TBC1D5: variants seen among roughly 807,000 people sequenced by gnomAD.
TBC1D5 encodes the protein TBC1 domain family member 5, also known as TBC1 domain family, member 5.
In TBC1D5, 75 loss-of-function variants were observed where a neutral mutation model predicts 100.3. That is an observed-to-expected ratio of 0.75 (90% CI 0.62 to 0.91). TBC1D5 has a LOEUF of 0.91. Among genes scored for constraint, TBC1D5 ranks in the 40% least tolerant of loss-of-function variants. The pLI, the probability that TBC1D5 is intolerant of heterozygous loss-of-function variation, is 0.00. For missense variants in TBC1D5, 910 were observed against 942.4 expected, an observed-to-expected ratio of 0.97 and a Z score of 0.45; for synonymous variants, 323 against 325.6, an observed-to-expected ratio of 0.99 and a Z score of 0.09.
At chr3:17,452,590 G>A (rs752898206) in intron 3 of TBC1D5, among the ~76,000 whole-genome samples, 47 of 152,012 alleles carry the variant, frequency 3.1e-4, no homozygotes, top group Non-Finnish European at 6.5e-4. Context: ...AATGAAAAAA[G>A]GGTCAATTCA....
intron 3 of TBC1D5, among the ~76,000 whole-genome samples, chr3:17,453,544 A>G (rs2094979131): frequency 1.3e-5 from 2 of 152,198 alleles, no homozygotes; most frequent in Admixed American, 1.3e-4. Flanking sequence ...AATAAATTGG[A>G]CAATCTAGAG....
chr3:17,351,686 CCTGCACGTT>C, intron 13 of TBC1D5, among the ~76,000 whole-genome samples: 1 of 151,770 alleles, frequency 6.6e-6, no homozygotes, highest in East Asian at 1.9e-4. Flanking sequence ...ATGTAACAAA[CCTGCACGTT>C]CTGCACATTT....
At chr3:17,271,404 C>T (rs1210272671) in intron 15 of TBC1D5, among the ~76,000 whole-genome samples, 1 of 152,068 alleles carries the variant, frequency 6.6e-6, no homozygotes. Flanking sequence ...ATTTCGTTCT[C>T]AGCTTACATT....
chr3:17,463,058 C>T (rs73161500), intron 3 of TBC1D5, among the ~76,000 whole-genome samples: 1 of 152,026 alleles, frequency 6.6e-6, no homozygotes, highest in Non-Finnish European at 1.5e-5. Flanking sequence ...CAGACATGCA[C>T]TGGAATTAAA....
At chr3:17,242,836 T>C (rs968658758) in intron 16 of TBC1D5, among the ~76,000 whole-genome samples, 1 of 152,232 alleles carries the variant, frequency 6.6e-6, no homozygotes, top group Middle Eastern at 3.4e-3. Flanking sequence ...TATATATATA[T>C]AAATATTTTT....
At chr3:17,723,927 T>G (rs546624630) in intron 1 of TBC1D5, among the ~76,000 whole-genome samples, 1 of 152,202 alleles carries the variant, frequency 6.6e-6, no homozygotes, top group African/African-American at 2.4e-5. Flanking sequence ...ATTATAATAC[T>G]AGAACCAATC....
At chr3:17,651,800 G>C (rs572535204) in intron 1 of TBC1D5, among the ~76,000 whole-genome samples, 1 of 152,230 alleles carries the variant, frequency 6.6e-6, no homozygotes, top group South Asian at 2.1e-4. Flanking sequence ...TAGGTGAGGA[G>C]AAGGTCAGGA....
intron 1 of TBC1D5, among the ~76,000 whole-genome samples, chr3:17,675,811 G>A (rs929430103): frequency 6.6e-6 from 1 of 151,994 alleles, no homozygotes; most frequent in Non-Finnish European, 1.5e-5. Context: ...TGCTTTCACA[G>A]AACAAAAAGA....
At chr3:17,246,223 G>A (rs2076726401) in intron 16 of TBC1D5, among the ~76,000 whole-genome samples, 1 of 151,898 alleles carries the variant, frequency 6.6e-6, no homozygotes, top group African/African-American at 2.4e-5. Context: ...GAAAAACAAA[G>A]GAATATATTT....
chr3:17,497,193 G>A (rs145744456), intron 3 of TBC1D5, among the ~76,000 whole-genome samples: 30 of 150,742 alleles, frequency 2.0e-4, no homozygotes, highest in African/African-American at 6.3e-4. Flanking sequence ...ACATTTAGCC[G>A]AAATACCACC....
intron 2 of TBC1D5, among the ~76,000 whole-genome samples, chr3:17,598,397 G>A (rs2060712722): frequency 6.6e-6 from 1 of 152,102 alleles, no homozygotes; most frequent in South Asian, 2.1e-4. Context: ...GATTAAATGG[G>A]CTGGAAACTT....
chr3:17,385,397 T>A (rs2093111626), intron 8 of TBC1D5, among the ~76,000 whole-genome samples: 1 of 152,028 alleles, frequency 6.6e-6, no homozygotes, highest in African/African-American at 2.4e-5. Context: ...ATGAGTCTTT[T>A]AAGAGCAGTA....
intron 12 of TBC1D5, among the ~76,000 whole-genome samples, chr3:17,373,152 C>A (rs1377880866): frequency 1.3e-5 from 2 of 152,098 alleles, no homozygotes; most frequent in African/African-American, 4.8e-5. Context: ...ATGTTAAAAA[C>A]CACTCTTAAC....
At chr3:17,606,195 C>T (rs957584125) in intron 2 of TBC1D5, among the ~76,000 whole-genome samples, 2 of 152,096 alleles carry the variant, frequency 1.3e-5, no homozygotes, top group Non-Finnish European at 2.9e-5. Context: ...ATATCAGGCA[C>T]GTTGGGAAGC....
chr3:17,460,570 A>G (rs73161493), intron 3 of TBC1D5, among the ~76,000 whole-genome samples: 13,870 of 152,164 alleles, frequency 0.091, 1,434 homozygotes, highest in African/African-American at 0.26. Context: ...CCCCTTTAAC[A>G]TGATCATTTC....
At chr3:17,526,640 T>A (rs981760733) in intron 2 of TBC1D5, among the ~76,000 whole-genome samples, 5 of 152,224 alleles carry the variant, frequency 3.3e-5, no homozygotes, top group African/African-American at 1.2e-4. Context: ...ATTCACAGGT[T>A]TTGTGAAGAT....
intron 1 of TBC1D5, among the ~76,000 whole-genome samples, chr3:17,628,784 A>G (rs2063270826): frequency 6.6e-6 from 1 of 152,228 alleles, no homozygotes; most frequent in Non-Finnish European, 1.5e-5. Context: ...CTACTAAAAG[A>G]TATTTAAGCT....
chr3:17,547,783 CATGAT>C (rs2096432962), intron 2 of TBC1D5, among the ~76,000 whole-genome samples: 1 of 152,130 alleles, frequency 6.6e-6, no homozygotes, highest in Admixed American at 6.5e-5. Flanking sequence ...TAGTTGATTT[CATGAT>C]ATAATTCTGT....
At chr3:17,526,894 C>T (rs1471907855) in intron 2 of TBC1D5, among the ~76,000 whole-genome samples, 1 of 152,052 alleles carries the variant, frequency 6.6e-6, no homozygotes, top group Non-Finnish European at 1.5e-5. Context: ...ATATTCCATG[C>T]TGTTTTCTCA....
Sources: allele counts gnomAD v4.1 joint callset (sites outside exome capture counted in the v4.1 genomes callset), GRCh38; gene constraint gnomAD v4.1.1; transcripts MANE v1.5; gene names NCBI Gene and HGNC (gene_info 2026-07-23, HGNC 2026-07-21).